Variants in BAK1 observed in about 807,000 individuals in gnomAD.
BAK1 encodes the protein BCL2 antagonist/killer 1.
A neutral mutation model predicts 24.7 loss-of-function variants in BAK1; 19 were observed. The ratio of observed to expected loss-of-function variants is 0.77; its 90% CI spans 0.54 to 1.13. The LOEUF is 1.13. BAK1 is among the 50% of genes most tolerant of loss of function. BAK1 has a pLI of 0.00. For missense variants in BAK1, 194 were observed against 279.4 expected (o/e 0.69, Z 2.18); for synonymous variants, 86 against 107.3 (o/e 0.80, Z 1.23).
In BAK1 at chr6:33,573,745, A is replaced by T. The variant is rs1239818966; in HGVS notation, c.*58T>A. On this transcript the variant is annotated 3_prime_UTR_variant, in exon 6 of 6. Coordinates refer to ENST00000374467, the MANE Select transcript of BAK1 (RefSeq NM_001188.4). ...CTGCAAGGGAACAGAGAAGGCAAAG[A>T]CTTCGCTTAAGTCCAGGCAGGGGTC... 1.4e-6 allele frequency: 2 copies of T among 1,385,286 alleles called. No individual in the cohort carries two copies. The highest frequency in any genetic ancestry group is 1.7e-5 in the Admixed American group (1 of 57,740). The allele number at this position is 1,385,286 out of a possible 1,614,324, so 85.8% of individuals were successfully genotyped here. A position where few individuals can be genotyped will look rare whatever the true frequency, so the allele number is the denominator to read the frequency against.
At position 33,573,796 on chromosome 6, in the gene BAK1, T is replaced by C. The variant is rs376265958; in HGVS notation, c.*7A>G. ...TGAACCGGGACCCCAAAGGGCACCCTTGGGAGTCATGATTTGAAGAATCTT... is the reference window on the plus strand; with the variant it reads ...TGAACCGGGACCCCAAAGGGCACCCCTGGGAGTCATGATTTGAAGAATCTT... On this transcript the variant is annotated 3_prime_UTR_variant, in exon 6 of 6. Coordinates refer to ENST00000374467, the MANE Select transcript of BAK1 (RefSeq NM_001188.4). 49 of 1,612,646 alleles carry C rather than the reference T, an allele frequency of 3.0e-5. No individual in the cohort carries two copies. In the African/African-American group the frequency reaches 6.3e-4, roughly 21 times the overall value.
At position 33,575,740 on chromosome 6, in the gene BAK1, C is replaced by A; in HGVS notation, c.206+53G>T. 2 of 1,596,440 alleles carry A rather than the reference C, an allele frequency of 1.3e-6. No individual in the cohort carries two copies. The highest frequency in any genetic ancestry group is 1.1e-5 in the South Asian group (1 of 89,238). ...CCCAGGACCTGCACAGAGACCCATG[C>A]GAGCTACTGCCTCCCTGAAGATGTC... On this transcript the variant is annotated intron_variant, in intron 3 of 5. Transcript: ENST00000374467. This position sits in a 1 kb window ranked among gnomAD's most constrained non-coding sequence, Gnocchi z 6.3.
rs1427637174 is a variant in BAK1, at chr6:33,577,789, A to G, written c.-31-154T>C. On this transcript the variant is annotated intron_variant, in intron 1 of 5. Coordinates refer to ENST00000374467, the MANE Select transcript of BAK1 (RefSeq NM_001188.4). The surrounding 1 kb of genome is among the most constrained non-coding windows in gnomAD (Gnocchi z 4.6). ...GGGACTTTGGCCAGGCCGGTCTCAA[A>G]CTCCTGACCTCGTGAGTCTGCCTCG... Among the ~76,000 whole-genome samples the G allele has an allele frequency of 2.0e-5, 3 of 151,968 alleles. No individual in the cohort carries two copies. Among genetic ancestry groups the G allele is most frequent in the Non-Finnish European group, 2.9e-5 (2 of 67,958 alleles).
chr6:33,580,086 C>G lies in BAK1; in HGVS notation c.-93G>C, dbSNP rs1464898511. 1.3e-5 allele frequency: 2 copies of G among 152,446 alleles called. No homozygotes were observed. The highest frequency in any genetic ancestry group is 2.9e-5 in the Non-Finnish European group (2 of 68,176). 9.4% of individuals were successfully genotyped at this position (152,446 alleles called of 1,614,324 possible). On this transcript the variant is annotated 5_prime_UTR_variant, in exon 1 of 6. Coordinates refer to ENST00000374467, the MANE Select transcript of BAK1 (RefSeq NM_001188.4). ...GGGTGGAGATGGAGGTCCCGAGGGG[C>G]TGGCGGCTGCTGCTCCCAGGGGCTG...
In BAK1 at chr6:33,575,992, G is replaced by A. The variant is rs958359222; in HGVS notation, c.71-64C>T. 5.6e-6 allele frequency: 9 copies of A among 1,602,782 alleles called. No individual in the cohort carries two copies. The Admixed American group carries it at 8.5e-5, about 15-fold the overall frequency. ...ACCCTGGCAGCCCCATGCCTTATAG[G>A]GGATTCACTCTTCCTAAGGCCATAG... is the stretch of plus-strand genomic sequence containing the variant. On this transcript the variant is annotated intron_variant, in intron 2 of 5. Coordinates refer to ENST00000374467, the MANE Select transcript of BAK1 (RefSeq NM_001188.4). This position sits in a 1 kb window ranked among gnomAD's most constrained non-coding sequence, Gnocchi z 6.3.
Position 33,575,254 on chromosome 6 carries a change from T to G in BAK1, c.350+44A>C. 1 of 1,613,922 alleles carries G rather than the reference T, an allele frequency of 6.2e-7. No individual in the cohort carries two copies. The highest frequency in any genetic ancestry group is 8.5e-7 in the Non-Finnish European group (1 of 1,179,804). Reference sequence around the variant, plus strand: ...GGCAGGGTATGGTATGGTTGTGACATGACAGAGGAGTGACTGGAGCTGGCA... The same window carrying G: ...GGCAGGGTATGGTATGGTTGTGACAGGACAGAGGAGTGACTGGAGCTGGCA... On this transcript the variant is annotated intron_variant, in intron 4 of 5. Coordinates refer to ENST00000374467, the MANE Select transcript of BAK1 (RefSeq NM_001188.4). This position sits in a 1 kb window ranked among gnomAD's most constrained non-coding sequence, Gnocchi z 6.3.
Position 33,575,994 on chromosome 6 carries a change from G to T in BAK1, c.71-66C>A. ...CCTGGCAGCCCCATGCCTTATAGGGGATTCACTCTTCCTAAGGCCATAGCT... is the reference window on the plus strand; with the variant it reads ...CCTGGCAGCCCCATGCCTTATAGGGTATTCACTCTTCCTAAGGCCATAGCT... On this transcript the variant is annotated intron_variant, in intron 2 of 5. Coordinates refer to ENST00000374467, the MANE Select transcript of BAK1 (RefSeq NM_001188.4). This position sits in a 1 kb window ranked among gnomAD's most constrained non-coding sequence, Gnocchi z 6.3. 1 of 1,600,488 alleles carries T rather than the reference G, an allele frequency of 6.2e-7. No homozygotes were observed. The highest frequency in any genetic ancestry group is 1.1e-5 in the South Asian group (1 of 89,392).
chr6:33,574,485 TGGAGTCAGCGG>T, intron 4 of BAK1: 2 of 1,471,954 alleles, frequency 1.4e-6, no homozygotes, highest in Non-Finnish European at 1.8e-6. Context: ...AGCAAGTGGA[TGGAGTCAGCGG>T]GGAGATTACC....
rs1370663316 is a variant in BAK1 at position 33,578,252 on chromosome 6, G to A, written c.-31-617C>T. Among the ~76,000 whole-genome samples, 1 of 152,196 alleles carries A rather than the reference G, an allele frequency of 6.6e-6. No individual in the cohort carries two copies. Among genetic ancestry groups the A allele is most frequent in the Non-Finnish European group, 1.5e-5 (1 of 68,036 alleles). On this transcript the variant is annotated intron_variant, in intron 1 of 5. Coordinates refer to ENST00000374467, the MANE Select transcript of BAK1 (RefSeq NM_001188.4). The surrounding 1 kb of genome is among the most constrained non-coding windows in gnomAD (Gnocchi z 4.8). Reference sequence around the variant, plus strand: ...GCTGTTAGCCGCAAACATTTCCTGAGAGCCTAAGATATACTCTCCCACTTA... The same window carrying A: ...GCTGTTAGCCGCAAACATTTCCTGAAAGCCTAAGATATACTCTCCCACTTA...
rs1054756095 is a variant in BAK1, at chr6:33,575,697, C to T, written c.206+96G>A. The T allele has an allele frequency of 6.5e-6, 10 of 1,530,476 alleles. No individual in the cohort carries two copies. In the Admixed American group the frequency reaches 1.1e-4, roughly 18 times the overall value. 94.8% of individuals were successfully genotyped at this position (1,530,476 alleles called of 1,614,324 possible). A position where few individuals can be genotyped will look rare whatever the true frequency, so the allele number is the denominator to read the frequency against. ...GCAACCATGAGAGAAGGGCAAGACCCCCGAGGCCTCCCCAGCTCCCAGGAC... is the reference window on the plus strand; with the variant it reads ...GCAACCATGAGAGAAGGGCAAGACCTCCGAGGCCTCCCCAGCTCCCAGGAC... On this transcript the variant is annotated intron_variant, in intron 3 of 5. Coordinates refer to ENST00000374467, the MANE Select transcript of BAK1 (RefSeq NM_001188.4). This position sits in a 1 kb window ranked among gnomAD's most constrained non-coding sequence, Gnocchi z 6.3.
At position 33,578,844 on chromosome 6, in the gene BAK1, T is replaced by C. The variant is rs1762889260; in HGVS notation, c.-32+1181A>G. ...CTCCTCCTATCCCAGAGGGAGGGGG[T>C]GTGCAGCCCCACCCTGGGCCAAGCA... On this transcript the variant is annotated intron_variant, in intron 1 of 5. Transcript: ENST00000374467. The surrounding 1 kb of genome is among the most constrained non-coding windows in gnomAD (Gnocchi z 4.8). Among the ~76,000 whole-genome samples, 1 of 151,662 alleles carries C rather than the reference T, an allele frequency of 6.6e-6. No individual in the cohort carries two copies. The highest frequency in any genetic ancestry group is 1.5e-5 in the Non-Finnish European group (1 of 67,928).
chr6:33,579,189 T>C (rs142643843), intron 1 of BAK1, among the ~76,000 whole-genome samples: 2 of 152,008 alleles, frequency 1.3e-5, no homozygotes, highest in African/African-American at 4.8e-5. Context: ...CTACTAAAAA[T>C]ACAAAAATTA....
chr6:33,576,680 A>AC (rs1762853057), intron 2 of BAK1, among the ~76,000 whole-genome samples: 3 of 151,876 alleles, frequency 2.0e-5, no homozygotes, highest in African/African-American at 4.8e-5. Context: ...AACAAAAAAA[A>AC]AAAAAAGAAA....
Position 33,572,604 on chromosome 6 carries a change from A to T in BAK1, c.*1199T>A, listed in dbSNP as rs186506282. The T allele has an allele frequency of 6.6e-6, 1 of 152,574 alleles. No homozygotes were observed. Among genetic ancestry groups the T allele is most frequent in the Admixed American group, 6.6e-5 (1 of 15,256 alleles). The allele number at this position is 152,574 out of a possible 1,614,324, so 9.5% of individuals were successfully genotyped here. On this transcript the variant is annotated 3_prime_UTR_variant, in exon 6 of 6. Coordinates refer to ENST00000374467, the MANE Select transcript of BAK1 (RefSeq NM_001188.4). ...ACACTCAGAGGATAGGGGGTGGCCTATGGGCTCCATCTGCCTCCCCTCCCT... is the reference window on the plus strand; with the variant it reads ...ACACTCAGAGGATAGGGGGTGGCCTTTGGGCTCCATCTGCCTCCCCTCCCT...
Position 33,577,731 on chromosome 6 carries a change from A to T in BAK1, c.-31-96T>A. 1.2e-6 allele frequency: 1 copy of T among 829,694 alleles called. No individual in the cohort carries two copies. Among genetic ancestry groups the T allele is most frequent in the Non-Finnish European group, 1.8e-6 (1 of 551,322 alleles). The allele number at this position is 829,694 out of a possible 1,614,324, so 51.4% of individuals were successfully genotyped here. On this transcript the variant is annotated intron_variant, in intron 1 of 5. Transcript: ENST00000374467. This position sits in a 1 kb window ranked among gnomAD's most constrained non-coding sequence, Gnocchi z 4.6. The stretch of plus-strand genomic sequence containing the variant: ...TTGCCATGTCCACATAGGAGAGAGG[A>T]TCCCCCATTCCCAGAAAGGCCCTTA...
At position 33,573,249 on chromosome 6, in the gene BAK1, C is replaced by G. The variant is rs1261163201; in HGVS notation, c.*554G>C. ...AGAGTTGAGCAGGACCTTGGCCCCCCTCTCCTAGTAGGTCCTGCTCCTGGG... is the reference window on the plus strand; with the variant it reads ...AGAGTTGAGCAGGACCTTGGCCCCCGTCTCCTAGTAGGTCCTGCTCCTGGG... On this transcript the variant is annotated 3_prime_UTR_variant, in exon 6 of 6. Coordinates refer to ENST00000374467, the MANE Select transcript of BAK1 (RefSeq NM_001188.4). 2.0e-5 allele frequency: 3 copies of G among 153,500 alleles called. No homozygotes were observed. Among genetic ancestry groups the G allele is most frequent in the African/African-American group, 7.3e-5 (3 of 41,268 alleles). 9.5% of individuals were successfully genotyped at this position (153,500 alleles called of 1,614,324 possible).
rs1448095182 is a variant in BAK1, at chr6:33,577,208, C to T, written c.70+327G>A. On this transcript the variant is annotated intron_variant, in intron 2 of 5. Coordinates refer to ENST00000374467, the MANE Select transcript of BAK1 (RefSeq NM_001188.4). This position sits in a 1 kb window ranked among gnomAD's most constrained non-coding sequence, Gnocchi z 4.6. Reference sequence around the variant, plus strand: ...TGGCCAGCTTACTTCCTTATTTCTCCCGCTGGAGGGATACAGCAGCCAGGC... The same window carrying T: ...TGGCCAGCTTACTTCCTTATTTCTCTCGCTGGAGGGATACAGCAGCCAGGC... Among the ~76,000 whole-genome samples, 1 of 152,162 alleles carries T rather than the reference C, an allele frequency of 6.6e-6. No homozygotes were observed. The highest frequency in any genetic ancestry group is 1.5e-5 in the Non-Finnish European group (1 of 68,026).
Position 33,577,590 on chromosome 6 carries a change from T to G in BAK1, c.15A>C (p.Gln5His). The change falls in exon 2 of 6, where the codon CAA becomes CAC. Residue 5 changes from glutamine to histidine, a missense_variant. By Grantham distance (24) the Gln-to-His change is conservative. Transcript: ENST00000374467. The surrounding 1 kb of genome is among the most constrained non-coding windows in gnomAD (Gnocchi z 4.6). MASG[Q>H]GPGPPRQECG... ...ACTCCTGCCTGGGAGGACCTGGGCC[T>G]TGCCCCGAAGCCATTTTTCAGGTCT... 6.5e-7 allele frequency: 1 copy of G among 1,549,018 alleles called. No individual in the cohort carries two copies.
Position 33,575,288 on chromosome 6 carries a change from G to T in BAK1, c.350+10C>A, listed in dbSNP as rs1349249097. The T allele has an allele frequency of 1.9e-6, 3 of 1,614,070 alleles. No individual in the cohort carries two copies. The highest frequency in any genetic ancestry group is 1.1e-5 in the South Asian group (1 of 91,086). On this transcript the variant is annotated intron_variant, in intron 4 of 5. Transcript: ENST00000374467. The surrounding 1 kb of genome is among the most constrained non-coding windows in gnomAD (Gnocchi z 6.3). ...AGTGACTGGAGCTGGCAGGGAGGTG[G>T]CTGGGGTACCTGGTGGCAATCTTGG... is the stretch of plus-strand genomic sequence containing the variant.
Sources: allele counts gnomAD v4.1 joint callset (sites outside exome capture counted in the v4.1 genomes callset), GRCh38; gene constraint gnomAD v4.1.1; non-coding constraint Gnocchi (gnomAD v3.1); transcripts MANE v1.5; gene names NCBI Gene and HGNC (gene_info 2026-07-23, HGNC 2026-07-21).